TRIM29: variants seen among roughly 807,000 people sequenced by gnomAD.
TRIM29 encodes tripartite motif containing 29, also known as tripartite motif-containing protein 29.
In TRIM29, 52 loss-of-function variants were observed where a neutral mutation model predicts 57.3. The ratio of observed to expected loss-of-function variants is 0.91; its 90% CI spans 0.73 to 1.14. The LOEUF is 1.14. Among genes scored for constraint, TRIM29 ranks in the 50% most tolerant of loss-of-function variants. TRIM29 has a pLI of 0.00. For synonymous variants in TRIM29, 319 were observed against 316.9 expected, an observed-to-expected ratio of 1.01 and a Z score of -0.07; for missense variants, 753 against 774.6, an observed-to-expected ratio of 0.97 and a Z score of 0.33.
chr11:120,122,120 T>TTGTGTGTGTGTG, intron 5 of TRIM29: 1 of 321,716 alleles, frequency 3.1e-6, no homozygotes, highest in African/African-American at 3.0e-5. Flanking sequence ...GCCTCTCCCA[T>TTGTGTGTGTGTG]TGTGTGTGTG....
At chr11:120,136,164 A>G (rs1863810084) in intron 1 of TRIM29, among the ~76,000 whole-genome samples, 1 of 152,206 alleles carries the variant, frequency 6.6e-6, no homozygotes, top group Admixed American at 6.5e-5. Context: ...CACATAAAAT[A>G]AACACATATA....
In TRIM29 at chr11:120,128,513, G is replaced by A. The variant is rs1387123961; in HGVS notation, c.805-18C>T. On this transcript the variant is annotated intron_variant, in intron 1 of 8. Coordinates refer to ENST00000341846, the MANE Select transcript of TRIM29 (RefSeq NM_012101.4). ...AGCTCCGTCTGCAGAGAAAGAGCCA[G>A]GATTGGAGAAGTCAGGGGGAGGAGA... is the stretch of plus-strand genomic sequence containing the variant. 19 of 1,605,158 alleles carry A rather than the reference G, an allele frequency of 1.2e-5. No homozygotes were observed. The highest frequency in any genetic ancestry group is 1.6e-5 in the Non-Finnish European group (19 of 1,178,690).
At chr11:120,117,800 T>A (rs1337746116) in intron 7 of TRIM29, 5 of 199,572 alleles carry the variant, frequency 2.5e-5, no homozygotes, top group African/African-American at 4.8e-5. Context: ...AAGGGGCGCC[T>A]GCAGGATTGG....
At chr11:120,133,761 T>C (rs944097820) in intron 1 of TRIM29, among the ~76,000 whole-genome samples, 14 of 152,138 alleles carry the variant, frequency 9.2e-5, no homozygotes, top group South Asian at 2.1e-4. Flanking sequence ...TGTGTTAGAA[T>C]TGGGAATGAG....
chr11:120,113,651 A>G, intron 8 of TRIM29: 2 of 456,218 alleles, frequency 4.4e-6, no homozygotes, highest in Non-Finnish European at 8.8e-6. Context: ...CCTTGCTTAA[A>G]CCACCTATTA....
intron 2 of TRIM29, among the ~76,000 whole-genome samples, 154 bp downstream of exon 2, chr11:120,128,246 T>G (rs1313220143): frequency 6.6e-6 from 1 of 151,446 alleles, no homozygotes; most frequent in South Asian, 2.1e-4. Flanking sequence ...AGAAGGGGAG[T>G]TGGTGAGAAT....
rs1863564735 is a variant in TRIM29 at position 120,125,556 on chromosome 11, C to T, written c.1333+135G>A. Reference sequence around the variant, plus strand: ...AATCCCTGTATCCTAGTCCAAACGGCCTGAGGAAGGGTGGGTGGGTGGGTG... The same window carrying T: ...AATCCCTGTATCCTAGTCCAAACGGTCTGAGGAAGGGTGGGTGGGTGGGTG... On this transcript the variant is annotated intron_variant, in intron 4 of 8. Coordinates refer to ENST00000341846, the MANE Select transcript of TRIM29 (RefSeq NM_012101.4). 6 of 784,872 alleles carry T rather than the reference C, an allele frequency of 7.6e-6. No homozygotes were observed. The Admixed American group carries it at 1.9e-4, about 24-fold the overall frequency. 48.6% of individuals were successfully genotyped at this position (784,872 alleles called of 1,614,324 possible). A position where few individuals can be genotyped will look rare whatever the true frequency, so the allele number is the denominator to read the frequency against.
chr11:120,127,385 T>C lies in TRIM29; in HGVS notation c.1085A>G (p.Gln362Arg). 6.2e-7 allele frequency: 1 copy of C among 1,614,156 alleles called. No individual in the cohort carries two copies. Among genetic ancestry groups the C allele is most frequent in the Non-Finnish European group, 8.5e-7 (1 of 1,180,020 alleles). The change falls in exon 3 of 9, where the codon CAG becomes CGG. Residue 362 changes from glutamine to arginine, a missense_variant. Gln to Arg is a conservative substitution (Grantham distance 43). Transcript: ENST00000341846. ...GATGCTATGCAGCTGCTCCCGGGTC[T>C]GCTTGTCCTCATGCAGCACCTTGGC... ...ERAKVLHEDK[Q>R]TREQLHSISD...
rs541320676 is a variant in TRIM29 at position 120,112,025 on chromosome 11, G to T, written c.*389C>A. 7.4e-6 allele frequency: 2 copies of T among 269,578 alleles called. No individual in the cohort carries two copies. The highest frequency in any genetic ancestry group is 1.4e-5 in the Non-Finnish European group (2 of 139,198). 16.7% of individuals were successfully genotyped at this position (269,578 alleles called of 1,614,324 possible). A position where few individuals can be genotyped will look rare whatever the true frequency, so the allele number is the denominator to read the frequency against. ...GGGCCTTGGAGAGAAACGTCTATAG[G>T]CCTGGAGACAGCAGGGCGTGGGCGG... On this transcript the variant is annotated 3_prime_UTR_variant, in exon 9 of 9. Coordinates refer to ENST00000341846, the MANE Select transcript of TRIM29 (RefSeq NM_012101.4).
At chr11:120,120,172 T>TG (rs570527011) in intron 6 of TRIM29, among the ~76,000 whole-genome samples, 159 of 117,438 alleles carry the variant, frequency 1.4e-3, no homozygotes, top group African/African-American at 3.6e-3. Flanking sequence ...CTCATACTTG[T>TG]GGGGGGGGTG....
Position 120,127,506 on chromosome 11 carries a change from C to T in TRIM29, c.964G>A (p.Glu322Lys), listed in dbSNP as rs368556180. Residue 322 changes from glutamate to lysine, a missense_variant, in exon 3 of 9, where the codon GAG (glutamate) becomes AAG (lysine). Coordinates refer to ENST00000341846, the MANE Select transcript of TRIM29 (RefSeq NM_012101.4). ...GCCCTCACTTCCTCCTTTTGCTTCT[C>T]CAGGTCCCGCACCAGGTCCCGGAAG... Reference protein sequence around the residue: ...QNFRDLVRDLEKQKEEVRAAL... With the variant: ...QNFRDLVRDLKKQKEEVRAAL... 1.9e-6 allele frequency: 3 copies of T among 1,614,092 alleles called. No homozygotes were observed. The highest frequency in any genetic ancestry group is 2.2e-5 in the South Asian group (2 of 91,078).
intron 4 of TRIM29, chr11:120,124,349 C>G (rs1863533906): frequency 6.6e-6 from 1 of 152,444 alleles, no homozygotes; most frequent in Admixed American, 6.5e-5. Context: ...GTTTGTACCC[C>G]AGGGACGATG....
At chr11:120,112,945 G>C (rs1863171423) in intron 8 of TRIM29, among the ~76,000 whole-genome samples, 1 of 152,144 alleles carries the variant, frequency 6.6e-6, no homozygotes, top group South Asian at 2.1e-4. Context: ...AAGGCACAGA[G>C]AGGCTAGGCA....
rs762672094 is a variant in TRIM29, at chr11:120,120,650, G to A, written c.1451C>T (p.Ser484Leu). ...GCGGCCAGGAGACGAGGGCTGGTATGATGTCCGGACCCCACCTGTGAAGCA... is the reference window on the plus strand; with the variant it reads ...GCGGCCAGGAGACGAGGGCTGGTATAATGTCCGGACCCCACCTGTGAAGCA... ...YLTPKGGVRT[S>L]YQPSSPGRFT... The change falls in exon 6 of 9, where the codon TCA becomes TTA. Residue 484 changes from serine (S) to leucine (L), a missense_variant. Ser to Leu is a moderately radical substitution (Grantham distance 145, BLOSUM62 -2). Coordinates refer to ENST00000341846, the MANE Select transcript of TRIM29 (RefSeq NM_012101.4). 1 of 1,613,890 alleles carries A rather than the reference G, an allele frequency of 6.2e-7. No individual in the cohort carries two copies. The highest frequency in any genetic ancestry group is 8.5e-7 in the Non-Finnish European group (1 of 1,180,006).
chr11:120,121,887 G>A (rs1170259008), intron 5 of TRIM29: 1 of 421,208 alleles, frequency 2.4e-6, no homozygotes, highest in Non-Finnish European at 4.9e-6. Flanking sequence ...AGGCCAGGTA[G>A]GGGTTCTGAG....
At position 120,125,899 on chromosome 11, in the gene TRIM29, A is replaced by G; in HGVS notation, c.1135-10T>C. 1 of 1,610,734 alleles carries G rather than the reference A, an allele frequency of 6.2e-7. No individual in the cohort carries two copies. The highest frequency in any genetic ancestry group is 8.5e-7 in the Non-Finnish European group (1 of 1,177,300). On this transcript the variant is annotated splice_polypyrimidine_tract_variant and intron_variant, in intron 3 of 8. Transcript: ENST00000341846. The stretch of plus-strand genomic sequence containing the variant: ...TCAATGCACCAAATTCCTACCAAGA[A>G]AGGAAAGAACCATTAACTGCCTGGG...
At chr11:120,122,247 C>A (rs1375750246) in intron 5 of TRIM29, among the ~76,000 whole-genome samples, 1 of 152,106 alleles carries the variant, frequency 6.6e-6, no homozygotes, top group Non-Finnish European at 1.5e-5. Context: ...TCCCTCCTCC[C>A]CCAGCCTCCC....
At chr11:120,115,292 C>G (rs1863237748) in intron 8 of TRIM29, 46 bp downstream of exon 8, 1 of 1,589,886 alleles carries the variant, frequency 6.3e-7, no homozygotes, top group Non-Finnish European at 8.6e-7. Context: ...CTTCAGTGCC[C>G]AGGTCTCTGG....
intron 1 of TRIM29, chr11:120,128,991 C>A: frequency 8.6e-7 from 1 of 1,161,512 alleles, no homozygotes; most frequent in Non-Finnish European, 1.1e-6. Flanking sequence ...TTGCCGCCGG[C>A]GTGGACTCCG....
Sources: allele counts gnomAD v4.1 joint callset (sites outside exome capture counted in the v4.1 genomes callset), GRCh38; gene constraint gnomAD v4.1.1; transcripts MANE v1.5; gene names NCBI Gene and HGNC (gene_info 2026-07-23, HGNC 2026-07-21).